VAT1L: variants seen among roughly 807,000 people sequenced by gnomAD.
VAT1L encodes the protein putative NADPH-dependent quinone oxidoreductase VAT1L.
Under a neutral mutation model 44.1 loss-of-function variants are expected in VAT1L, and 34 were observed. The observed-to-expected ratio is 0.77, with a 90% CI of 0.59 to 1.03. VAT1L has a LOEUF of 1.03. VAT1L is among the 50% of genes least tolerant of loss of function. The probability of loss-of-function intolerance (pLI) is 0.00; values close to 1 mark genes in which losing one functional copy is unlikely to be tolerated. For missense variants in VAT1L, 615 were observed against 538.8 expected (o/e 1.14, Z -1.40); for synonymous variants, 253 against 202.2 (o/e 1.25, Z -2.13).
chr16:77,844,519 C>T (rs1231630639), intron 3 of VAT1L, among the ~76,000 whole-genome samples: 2 of 152,108 alleles, frequency 1.3e-5, no homozygotes, highest in East Asian at 1.9e-4. Context: ...AGTGATTCTC[C>T]CCCCTTAGCC....
rs924162353 is a variant in VAT1L at position 77,803,382 on chromosome 16, T to C, written c.234-13539T>C. ...TCTATTCAAGTCTTCACCTCCTTTTTTGTTCCTATTGAAACAACCATTTTA... is the reference window on the plus strand; with the variant it reads ...TCTATTCAAGTCTTCACCTCCTTTTCTGTTCCTATTGAAACAACCATTTTA... On this transcript the variant is annotated intron_variant, in intron 1 of 8. Transcript: ENST00000302536. Among the ~76,000 whole-genome samples the C allele has an allele frequency of 3.3e-5, 5 of 152,220 alleles. No homozygotes were observed. The South Asian group carries it at 6.2e-4, about 19-fold the overall frequency.
At chr16:77,808,708 G>A (rs2145225012) in intron 1 of VAT1L, among the ~76,000 whole-genome samples, 1 of 152,150 alleles carries the variant, frequency 6.6e-6, no homozygotes, top group African/African-American at 2.4e-5. Context: ...CAATTCTCCT[G>A]CCTCAGCCTC....
At chr16:77,956,320 GAAC>G (rs2018103030) in intron 7 of VAT1L, among the ~76,000 whole-genome samples, 1 of 152,068 alleles carries the variant, frequency 6.6e-6, no homozygotes, top group African/African-American at 2.4e-5. Flanking sequence ...TCTCCTCCTT[GAAC>G]AACAGAGACT....
chr16:77,977,598 T>G lies in VAT1L; in HGVS notation c.1163T>G (p.Met388Arg). 6.2e-7 allele frequency: 1 copy of G among 1,613,940 alleles called. No homozygotes were observed. Among genetic ancestry groups the G allele is most frequent in the Non-Finnish European group, 8.5e-7 (1 of 1,179,934 alleles). The change falls in exon 9 of 9, where the codon ATG (methionine) becomes AGG (arginine). Residue 388 changes from methionine to arginine, a missense_variant and splice_region_variant. Met to Arg is a moderately conservative substitution (Grantham distance 91, BLOSUM62 -1). Transcript: ENST00000302536. ...ATAACATCCTCTTTTGAATTACAGATGGCCAATGACAGCACAGAGACCAGT... is the reference window on the plus strand; with the variant it reads ...ATAACATCCTCTTTTGAATTACAGAGGGCCAATGACAGCACAGAGACCAGT... ...LDVEKTPTPL[M>R]ANDSTETSEA...
intron 7 of VAT1L, among the ~76,000 whole-genome samples, chr16:77,895,993 G>C (rs1237761525): frequency 6.6e-6 from 1 of 152,212 alleles, no homozygotes; most frequent in Non-Finnish European, 1.5e-5. Context: ...TGGAGAGAAA[G>C]ATGGAGGTTG....
In VAT1L at chr16:77,879,230, T is replaced by G; in HGVS notation, c.882+6T>G. 3 of 1,613,882 alleles carry G rather than the reference T, an allele frequency of 1.9e-6. No homozygotes were observed. The highest frequency in any genetic ancestry group is 2.5e-6 in the Non-Finnish European group (3 of 1,179,726). Reference sequence around the variant, plus strand: ...TCTTCAGCTTTGCAAAATCAGTAAGTATCCAGGCACATCTGATGTACTGTG... The same window carrying G: ...TCTTCAGCTTTGCAAAATCAGTAAGGATCCAGGCACATCTGATGTACTGTG... On this transcript the variant is annotated splice_donor_region_variant and intron_variant, in intron 6 of 8. Transcript: ENST00000302536. The surrounding 1 kb of genome is among the most constrained non-coding windows in gnomAD (Gnocchi z 4.1).
intron 3 of VAT1L, among the ~76,000 whole-genome samples, chr16:77,838,685 G>C (rs2016667062): frequency 1.3e-5 from 2 of 150,770 alleles, no homozygotes. Flanking sequence ...CTGTTCCTTT[G>C]TCTTTCTGTC....
At chr16:77,871,776 T>C (rs541622574) in intron 4 of VAT1L, among the ~76,000 whole-genome samples, 1 of 152,048 alleles carries the variant, frequency 6.6e-6, no homozygotes, top group Non-Finnish European at 1.5e-5. Flanking sequence ...AGCATTCTAC[T>C]TGGGACATAG....
At chr16:77,835,978 C>T (rs1016083787) in intron 3 of VAT1L, among the ~76,000 whole-genome samples, 4 of 152,122 alleles carry the variant, frequency 2.6e-5, no homozygotes, top group Non-Finnish European at 5.9e-5. Flanking sequence ...AGTCAGACTC[C>T]TTGGGTTTAG....
At chr16:77,864,848 A>G (rs2016955292) in intron 4 of VAT1L, among the ~76,000 whole-genome samples, 1 of 152,164 alleles carries the variant, frequency 6.6e-6, no homozygotes, top group Non-Finnish European at 1.5e-5. Flanking sequence ...TGTGAAAGGA[A>G]AGCTTAAAGC....
intron 7 of VAT1L, among the ~76,000 whole-genome samples, chr16:77,921,231 A>G (rs1347446710): frequency 6.6e-6 from 1 of 152,208 alleles, no homozygotes; most frequent in Non-Finnish European, 1.5e-5. Context: ...GGAATAAGCC[A>G]TAGCCCAAGA....
chr16:77,891,950 T>A (rs1373549037), intron 7 of VAT1L, among the ~76,000 whole-genome samples: 3 of 152,156 alleles, frequency 2.0e-5, no homozygotes, highest in Non-Finnish European at 4.4e-5. Context: ...CACATACCTG[T>A]AGTCCCAGCT....
At chr16:77,795,298 A>G (rs1597160331) in intron 1 of VAT1L, among the ~76,000 whole-genome samples, 1 of 151,176 alleles carries the variant, frequency 6.6e-6, no homozygotes, top group Non-Finnish European at 1.5e-5. Flanking sequence ...GGAAAGATTG[A>G]GAAATTAAGA....
intron 7 of VAT1L, among the ~76,000 whole-genome samples, chr16:77,963,854 A>G (rs1349098845): frequency 6.6e-6 from 1 of 152,158 alleles, no homozygotes; most frequent in Non-Finnish European, 1.5e-5. Flanking sequence ...AATGATTTGA[A>G]GCAATCAGAG....
At chr16:77,925,469 T>C (rs1180438787) in intron 7 of VAT1L, among the ~76,000 whole-genome samples, 1 of 152,128 alleles carries the variant, frequency 6.6e-6, no homozygotes, top group Non-Finnish European at 1.5e-5. Context: ...TGTTTCGGGG[T>C]ATTAAAGAGG....
rs142213003 is a variant in VAT1L at position 77,962,067 on chromosome 16, C to T, written c.1078-9783C>T. Among the ~76,000 whole-genome samples the T allele has an allele frequency of 5.9e-5, 9 of 152,256 alleles. No individual in the cohort carries two copies. In the East Asian group the frequency reaches 1.7e-3, roughly 30 times the overall value. On this transcript the variant is annotated intron_variant, in intron 7 of 8. Transcript: ENST00000302536. ...CTCCTCAGTCTCTATGTCATACCCA[C>T]ATCCTAATTTCCAGAACCTGCCAGT... is the stretch of plus-strand genomic sequence containing the variant.
At chr16:77,943,200 G>A (rs946240279) in intron 7 of VAT1L, among the ~76,000 whole-genome samples, 25 of 150,814 alleles carry the variant, frequency 1.7e-4, no homozygotes, top group African/African-American at 6.1e-4. Flanking sequence ...GGGATTACAG[G>A]CACTCACCAC....
chr16:77,817,309 T>C lies in VAT1L; in HGVS notation c.363+259T>C, dbSNP rs1339742007. ...CCCCTTCATTCATGTCATGCAGCTA[T>C]TCAACAAAAGTATTTGGCATTTGGA... On this transcript the variant is annotated intron_variant, in intron 2 of 8. Coordinates refer to ENST00000302536, the MANE Select transcript of VAT1L (RefSeq NM_020927.3). Among the ~76,000 whole-genome samples, 5 of 152,196 alleles carry C rather than the reference T, an allele frequency of 3.3e-5. No individual in the cohort carries two copies. In the East Asian group the frequency reaches 9.6e-4, roughly 29 times the overall value.
intron 7 of VAT1L, among the ~76,000 whole-genome samples, chr16:77,927,474 C>A (rs991851971): frequency 6.6e-6 from 1 of 152,146 alleles, no homozygotes. Context: ...TGATCCATCT[C>A]CAGAATCTGC....
Sources: allele counts gnomAD v4.1 joint callset (sites outside exome capture counted in the v4.1 genomes callset), GRCh38; gene constraint gnomAD v4.1.1; non-coding constraint Gnocchi (gnomAD v3.1); transcripts MANE v1.5; gene names NCBI Gene and HGNC (gene_info 2026-07-23, HGNC 2026-07-21).